Variants in SLC47A2 observed in about 807,000 individuals in gnomAD.
SLC47A2 encodes the protein multidrug and toxin extrusion protein 2.
SLC47A2 carries 52 observed loss-of-function variants against 67.7 expected under a neutral mutation model. The observed-to-expected ratio is 0.77, with a 90% CI of 0.61 to 0.97. The LOEUF (loss-of-function observed/expected upper bound fraction) is 0.97. Ranked by LOEUF, SLC47A2 falls within the 50% of genes least tolerant of loss-of-function variation. The pLI is 0.00. For missense variants in SLC47A2, 676 were observed against 712.3 expected, an observed-to-expected ratio of 0.95 and a Z score of 0.58; for synonymous variants, 278 against 292.9, an observed-to-expected ratio of 0.95 and a Z score of 0.52.
Position 19,678,806 on chromosome 17 carries a change from T to C in SLC47A2, c.1581A>G (p.Ser527=), listed in dbSNP as rs1567612173. The part of the protein sequence containing the change: ...FRTPEEAHAL[S]APTSRLSVKQ... ...TCACTGATAGTCTGCTGGTAGGAGCTGAAAGGGCGTGGGCCTCCTCTGGAG... is the reference window on the plus strand; with the variant it reads ...TCACTGATAGTCTGCTGGTAGGAGCCGAAAGGGCGTGGGCCTCCTCTGGAG... Residue 527 remains serine (S), a synonymous_variant, in exon 17 of 17, where the codon TCA becomes TCG. Coordinates refer to ENST00000433844, the MANE Select transcript of SLC47A2 (RefSeq NM_001099646.3). 2 of 1,614,170 alleles carry C rather than the reference T, an allele frequency of 1.2e-6. No homozygotes were observed. Among genetic ancestry groups the C allele is most frequent in the Non-Finnish European group, 1.7e-6 (2 of 1,180,026 alleles).
intron 13 of SLC47A2, among the ~76,000 whole-genome samples, chr17:19,699,527 T>G (rs1165979065): frequency 4.0e-5 from 6 of 151,848 alleles, no homozygotes; most frequent in Admixed American, 6.6e-5. Flanking sequence ...ACTATAGGTG[T>G]GTGCCAACCC....
At chr17:19,694,982 A>G (rs970687383) in intron 13 of SLC47A2, among the ~76,000 whole-genome samples, 5 of 152,088 alleles carry the variant, frequency 3.3e-5, no homozygotes, top group African/African-American at 1.2e-4. Context: ...CTTTTTAAAG[A>G]AAACAGAGGA....
chr17:19,714,845 C>A, intron 2 of SLC47A2, 56 bp from the exon 3 acceptor site: 1 of 1,608,060 alleles, frequency 6.2e-7, no homozygotes, highest in Non-Finnish European at 8.5e-7. Context: ...TGAAGAGAGG[C>A]CCCTGCATCT....
chr17:19,686,409 A>G (rs2085429706), intron 13 of SLC47A2, among the ~76,000 whole-genome samples: 2 of 152,212 alleles, frequency 1.3e-5, no homozygotes, highest in African/African-American at 4.8e-5. Context: ...CCACCAAACC[A>G]TAAAATAAAT....
intron 13 of SLC47A2, among the ~76,000 whole-genome samples, chr17:19,688,454 C>A (rs1380050075): frequency 1.3e-5 from 2 of 152,104 alleles, no homozygotes; most frequent in African/African-American, 4.8e-5. Flanking sequence ...TAGAACAGGA[C>A]AAGGATACCC....
intron 13 of SLC47A2, among the ~76,000 whole-genome samples, chr17:19,682,456 C>T (rs2152338397): frequency 6.6e-6 from 1 of 152,096 alleles, no homozygotes; most frequent in South Asian, 2.1e-4. Context: ...TTCTGAAGGC[C>T]CTAGTTGAGA....
chr17:19,681,493 T>G (rs1282730410), intron 14 of SLC47A2, 32 bp from the exon 15 acceptor site: 1 of 1,614,156 alleles, frequency 6.2e-7, no homozygotes, highest in South Asian at 1.1e-5. Flanking sequence ...GGGAACAATG[T>G]CCGACGACCA....
In SLC47A2 at chr17:19,705,494, C is replaced by A; in HGVS notation, c.851G>T (p.Ser284Ile). Residue 284 changes from serine to isoleucine, a missense_variant, in exon 10 of 17, where the codon AGT becomes ATT. By Grantham distance (142) the Ser-to-Ile change is moderately radical (BLOSUM62 -2). Transcript: ENST00000433844. The stretch of plus-strand genomic sequence containing the variant: ...AGCCTGGGCAGAGAGATCCACCACA[C>A]TGAGCAGCCCTAGAGAAGAGGCCCG... ...EIGSFLMGLLSVVDLSAQAVI... is the reference protein window; with the variant it reads ...EIGSFLMGLLIVVDLSAQAVI... The A allele has an allele frequency of 6.2e-7, 1 of 1,608,442 alleles. No individual in the cohort carries two copies. The highest frequency in any genetic ancestry group is 1.1e-5 in the South Asian group (1 of 90,300).
intron 6 of SLC47A2, 95 bp from the exon 7 acceptor site, chr17:19,708,494 C>G: frequency 1.2e-6 from 2 of 1,613,986 alleles, no homozygotes; most frequent in Non-Finnish European, 1.7e-6. Context: ...CTCCTCCTGC[C>G]CCTTCAGCCA....
intron 13 of SLC47A2, among the ~76,000 whole-genome samples, chr17:19,682,329 T>TCACA (rs376421449): frequency 0.23 from 33,405 of 143,676 alleles, 4,083 homozygotes; most frequent in East Asian, 0.37. Flanking sequence ...CGAGACTTGG[T>TCACA]CACACACACA....
chr17:19,702,565 T>A (rs1434691545), intron 13 of SLC47A2, 40 bp downstream of exon 13: 8 of 1,610,938 alleles, frequency 5.0e-6, no homozygotes, highest in Non-Finnish European at 6.8e-6. Flanking sequence ...ACATAAATCA[T>A]GTCCCAGGGA....
In SLC47A2 at chr17:19,679,825, TAATG is replaced by T. The variant is rs71726864; in HGVS notation, c.1480+123_1480+126del. ...GGTGCTTAGGACATCATTTTCATAATAATGGGAAGAAAAATAGCTTGGGCTTGTA... is the reference window on the plus strand; with the variant it reads ...GGTGCTTAGGACATCATTTTCATAATGGAAGAAAAATAGCTTGGGCTTGTA... On this transcript the variant is annotated intron_variant, in intron 16 of 16. Coordinates refer to ENST00000433844, the MANE Select transcript of SLC47A2 (RefSeq NM_001099646.3). 2,207 of 905,824 alleles carry T rather than the reference TAATG, an allele frequency of 2.4e-3. 41 individuals are homozygous for T. In the East Asian group the frequency reaches 0.037, roughly 15 times the overall value. 56.1% of individuals were successfully genotyped at this position (905,824 alleles called of 1,614,324 possible). A position where few individuals can be genotyped will look rare whatever the true frequency, so the allele number is the denominator to read the frequency against.
At chr17:19,713,696 G>A in intron 4 of SLC47A2, 129 bp downstream of exon 4, 1 of 1,299,312 alleles carries the variant, frequency 7.7e-7, no homozygotes, top group Non-Finnish European at 1.0e-6. Context: ...GGTACCCACA[G>A]GCACCGTGCA....
At position 19,681,441 on chromosome 17, in the gene SLC47A2, C is replaced by A. The variant is rs766527033; in HGVS notation, c.1318G>T (p.Ala440Ser). ...GCAGCAGTTGCCAGGAAGACACAGG[C>A]CAGCATGCCCAGCCAGAGGCCTGGA... ...RIMGLWLGML[A>S]CVFLATAAFV... Residue 440 changes from alanine (A) to serine (S), a missense_variant, in exon 15 of 17, where the codon GCC becomes TCC. By Grantham distance (99) the Ala-to-Ser change is moderately conservative. Transcript: ENST00000433844. The A allele has an allele frequency of 1.9e-6, 3 of 1,613,838 alleles. No individual in the cohort carries two copies. Among genetic ancestry groups the A allele is most frequent in the Non-Finnish European group, 2.5e-6 (3 of 1,179,928 alleles).
rs966810403 is a variant in SLC47A2 at position 19,708,859 on chromosome 17, T to C, written c.487-99A>G. 7 of 1,427,648 alleles carry C rather than the reference T, an allele frequency of 4.9e-6. No homozygotes were observed. In the South Asian group the frequency reaches 8.5e-5, roughly 17 times the overall value. The allele number at this position is 1,427,648 out of a possible 1,614,324, so 88.4% of individuals were successfully genotyped here. A position where few individuals can be genotyped will look rare whatever the true frequency, so the allele number is the denominator to read the frequency against. ...CTTTCCAGGACATAGTACCCCAGAT[T>C]GGGGAAATTACTTCATCAAAGTATG... On this transcript the variant is annotated intron_variant, in intron 5 of 16. Coordinates refer to ENST00000433844, the MANE Select transcript of SLC47A2 (RefSeq NM_001099646.3).
At chr17:19,714,362 A>C in intron 3 of SLC47A2, 1 of 407,700 alleles carries the variant, frequency 2.5e-6, no homozygotes, top group Non-Finnish European at 4.5e-6. Context: ...GCAAGCAGGG[A>C]GGTTCCTTCT....
In SLC47A2 at chr17:19,714,620, G is replaced by T. The variant is rs2086199545; in HGVS notation, c.294+101C>A. 3.5e-6 allele frequency: 5 copies of T among 1,411,134 alleles called. No homozygotes were observed. In the South Asian group the frequency reaches 4.6e-5, roughly 13 times the overall value. The allele number at this position is 1,411,134 out of a possible 1,614,324, so 87.4% of individuals were successfully genotyped here. A position where few individuals can be genotyped will look rare whatever the true frequency, so the allele number is the denominator to read the frequency against. ...CTGACCCCAGGGCCCATTGCTCCCAGATCACCTGGCTGCGCCCCTCCCACC... is the reference window on the plus strand; with the variant it reads ...CTGACCCCAGGGCCCATTGCTCCCATATCACCTGGCTGCGCCCCTCCCACC... On this transcript the variant is annotated intron_variant, in intron 3 of 16. Transcript: ENST00000433844.
At chr17:19,697,107 C>T (rs1051096869) in intron 13 of SLC47A2, among the ~76,000 whole-genome samples, 14 of 152,132 alleles carry the variant, frequency 9.2e-5, no homozygotes, top group African/African-American at 2.7e-4. Flanking sequence ...CTGGCTAACA[C>T]GGTGAAACCC....
chr17:19,717,645 G>A (rs1049872766), upstream of SLC47A2: 4 of 151,942 alleles, frequency 2.6e-5, no homozygotes, highest in East Asian at 1.9e-4. Context: ...GCAGGATTCC[G>A]AGATGCAGCC....
Sources: allele counts gnomAD v4.1 joint callset (sites outside exome capture counted in the v4.1 genomes callset), GRCh38; gene constraint gnomAD v4.1.1; transcripts MANE v1.5; gene names NCBI Gene and HGNC (gene_info 2026-07-23, HGNC 2026-07-21).